The following RBFOX1 variants were observed in gnomAD, a reference collection of about 807,000 sequenced individuals.
The protein encoded by RBFOX1 is RNA binding protein fox-1 homolog 1.
In RBFOX1, 8 loss-of-function variants were observed where a neutral mutation model predicts 57.7. That is an observed-to-expected ratio of 0.14 (90% CI 0.08 to 0.25). The LOEUF is 0.25. Among genes scored for constraint, RBFOX1 ranks in the 10% least tolerant of loss-of-function variants. RBFOX1 has a pLI of 1.00. For missense variants in RBFOX1, 611 were observed against 548.5 expected (o/e 1.11, Z -1.14); for synonymous variants, 326 against 222.4 (o/e 1.47, Z -4.15).
chr16:6,065,730 C>T (rs182433551), intron 1 of RBFOX1, among the ~76,000 whole-genome samples: 19 of 152,268 alleles, frequency 1.2e-4, no homozygotes, highest in Middle Eastern at 3.4e-3. Context: ...TACTAAGTTC[C>T]AGACAGTGTC....
chr16:5,673,929 A>G (rs1305873763), intron 3 of RBFOX1, among the ~76,000 whole-genome samples: 3 of 152,168 alleles, frequency 2.0e-5, no homozygotes, highest in African/African-American at 4.8e-5. Context: ...ACAAAACCGA[A>G]AGGGGGAATG....
At chr16:7,385,707 G>A (rs1476895101) in intron 4 of RBFOX1, among the ~76,000 whole-genome samples, 1 of 152,100 alleles carries the variant, frequency 6.6e-6, no homozygotes, top group Non-Finnish European at 1.5e-5. Flanking sequence ...CAAGAGGTGG[G>A]TTTGTCATGG....
At position 7,546,945 on chromosome 16, in the gene RBFOX1, T is replaced by G. The variant is rs78612953; in HGVS notation, c.270+28556T>G. ...TGGGTCAAAGAGTAAAAATGCACATTTTTTAAGGCTTTTGATAGTCAGATA... is the reference window on the plus strand; with the variant it reads ...TGGGTCAAAGAGTAAAAATGCACATGTTTTAAGGCTTTTGATAGTCAGATA... On this transcript the variant is annotated intron_variant, in intron 5 of 15. Coordinates refer to ENST00000550418, the MANE Select transcript of RBFOX1 (RefSeq NM_018723.4). Among the ~76,000 whole-genome samples, 656 of 152,266 alleles carry G rather than the reference T, an allele frequency of 4.3e-3. 4 individuals are homozygous for G. The highest frequency in any genetic ancestry group is 8.2e-3 in the Non-Finnish European group (557 of 68,010).
chr16:7,124,868 C>G (rs936129991), intron 4 of RBFOX1, among the ~76,000 whole-genome samples: 1 of 151,970 alleles, frequency 6.6e-6, no homozygotes, highest in Non-Finnish European at 1.5e-5. Flanking sequence ...AAAGTGTATT[C>G]CTGACAAATA....
chr16:7,404,525 G>T (rs897962228), intron 4 of RBFOX1, among the ~76,000 whole-genome samples: 4 of 152,128 alleles, frequency 2.6e-5, no homozygotes, highest in African/African-American at 9.7e-5. Flanking sequence ...CCATAGATAG[G>T]TGCTATTATC....
At chr16:7,001,418 G>GTATATC (rs1568312125) in intron 3 of RBFOX1, among the ~76,000 whole-genome samples, 2 of 137,060 alleles carry the variant, frequency 1.5e-5, no homozygotes, top group Non-Finnish European at 1.5e-5. Context: ...ATATGTATAT[G>GTATATC]TATATGTATA....
chr16:5,386,397 C>T (rs893148812), intron 1 of RBFOX1, among the ~76,000 whole-genome samples: 5 of 152,100 alleles, frequency 3.3e-5, no homozygotes, highest in African/African-American at 7.2e-5. Context: ...GATTAATGCA[C>T]GTGGCCCATC....
intron 4 of RBFOX1, among the ~76,000 whole-genome samples, chr16:7,466,021 A>G (rs2060457546): frequency 6.6e-6 from 1 of 152,164 alleles, no homozygotes; most frequent in Non-Finnish European, 1.5e-5. Context: ...AAAGTGCATC[A>G]TCTGTGTTTT....
At chr16:6,638,020 G>A (rs1475359845) in intron 2 of RBFOX1, among the ~76,000 whole-genome samples, 1 of 151,988 alleles carries the variant, frequency 6.6e-6, no homozygotes, top group African/African-American at 2.4e-5. Flanking sequence ...TGACATGTTT[G>A]ACTGAAGTAT....
intron 2 of RBFOX1, among the ~76,000 whole-genome samples, chr16:6,611,953 C>T (rs1234047726): frequency 6.6e-6 from 1 of 151,904 alleles, no homozygotes; most frequent in Non-Finnish European, 1.5e-5. Flanking sequence ...ACCTCTTCCT[C>T]AATTCTGTTA....
At chr16:6,610,011 A>ACAAAG (rs2098019479) in intron 2 of RBFOX1, among the ~76,000 whole-genome samples, 1 of 136,608 alleles carries the variant, frequency 7.3e-6, no homozygotes, top group South Asian at 3.1e-4. Flanking sequence ...CTGACACAAA[A>ACAAAG]CAAAACAAAA....
chr16:6,935,438 CTTCTT>C (rs1388056523), intron 3 of RBFOX1, among the ~76,000 whole-genome samples: 1 of 152,146 alleles, frequency 6.6e-6, no homozygotes, highest in Non-Finnish European at 1.5e-5. Flanking sequence ...TTTTCTCTCT[CTTCTT>C]GTCAATTTTC....
At chr16:7,234,137 C>T (rs141812800) in intron 4 of RBFOX1, among the ~76,000 whole-genome samples, 192 of 152,262 alleles carry the variant, frequency 1.3e-3, no homozygotes, top group African/African-American at 4.4e-3. Context: ...GCCTGTTTTG[C>T]TGGCAGACGC....
rs147408985 is a variant in RBFOX1, at chr16:5,787,281, C to T, written c.319-80022C>T. ...GTTTAGGATTGTGCTGCTTGGGGAT[C>T]TGTTCATCATAAGCATCAGAGGTGT... On this transcript the variant is annotated intron_variant, in intron 3 of 19. Transcript: ENST00000641259. 7.9e-4 allele frequency among the ~76,000 whole-genome samples: 121 copies of T among 152,294 alleles called. 1 individual carries two copies. Among genetic ancestry groups the T allele is most frequent in the African/African-American group, 2.7e-3 (114 of 41,570 alleles).
Position 5,786,029 on chromosome 16 carries a change from G to A in RBFOX1, c.319-81274G>A, listed in dbSNP as rs551919667. Among the ~76,000 whole-genome samples the A allele has an allele frequency of 5.1e-4, 77 of 152,140 alleles. 3 individuals are homozygous for A. The South Asian group carries it at 0.016, about 32-fold the overall frequency. ...GACCACCAGAGCTTTCCTTTCATTA[G>A]GATCCTTGGATCATGTCATTCCCTG... On this transcript the variant is annotated intron_variant, in intron 3 of 19. Transcript: ENST00000641259.
intron 3 of RBFOX1, among the ~76,000 whole-genome samples, chr16:5,760,671 A>G (rs755853610): frequency 6.2e-4 from 95 of 152,204 alleles, no homozygotes; most frequent in Non-Finnish European, 1.1e-3. Context: ...GTACAATTCA[A>G]TTTATATGAA....
At chr16:6,501,435 C>T (rs1293646566) in intron 2 of RBFOX1, among the ~76,000 whole-genome samples, 1 of 151,686 alleles carries the variant, frequency 6.6e-6, no homozygotes, top group African/African-American at 2.4e-5. Flanking sequence ...ATGATGGTTT[C>T]CAGCTTCGTC....
chr16:5,746,773 T>A (rs902510341), intron 3 of RBFOX1, among the ~76,000 whole-genome samples: 3 of 152,328 alleles, frequency 2.0e-5, no homozygotes, highest in Admixed American at 2.0e-4. Context: ...TGCTTGTGAT[T>A]TTTGCACATT....
chr16:7,709,713 C>T (rs992810061), intron 15 of RBFOX1: 22 of 1,121,824 alleles, frequency 2.0e-5, no homozygotes, highest in Non-Finnish European at 2.2e-5. Context: ...TGGGGGTTGC[C>T]TTTTGTTTTG....
Sources: allele counts gnomAD v4.1 joint callset (sites outside exome capture counted in the v4.1 genomes callset), GRCh38; gene constraint gnomAD v4.1.1; transcripts MANE v1.5; gene names NCBI Gene and HGNC (gene_info 2026-07-23, HGNC 2026-07-21).